The following R3HDM2 variants were observed in gnomAD, a reference collection of about 807,000 sequenced individuals.
R3HDM2 encodes R3H domain-containing protein 2.
R3HDM2 carries 38 observed loss-of-function variants against 124.5 expected under a neutral mutation model. The ratio of observed to expected loss-of-function variants is 0.31; its 90% CI spans 0.24 to 0.40. The LOEUF (loss-of-function observed/expected upper bound fraction) is 0.40, where lower values mean the gene tolerates loss of function less well. R3HDM2 is among the 10% of genes least tolerant of loss of function. The pLI, the probability that R3HDM2 is intolerant of heterozygous loss-of-function variation, is 1.00. For synonymous variants in R3HDM2, 391 were observed against 448.0 expected (o/e 0.87, Z 1.61); for missense variants, 869 against 1,236.9 (o/e 0.70, Z 4.46).
Position 57,258,888 on chromosome 12 carries a change from A to G in R3HDM2, c.2301+2T>C. 6.4e-7 allele frequency: 1 copy of G among 1,567,206 alleles called. No individual in the cohort carries two copies. The highest frequency in any genetic ancestry group is 8.6e-7 in the Non-Finnish European group (1 of 1,156,690). On this transcript the variant is annotated splice_donor_variant, in intron 20 of 23. Transcript: ENST00000402412. LOFTEE classifies it high-confidence loss of function. ...CAAGACAAGGCTGAGTGCTGCACTCACCTGGGGGCTGCTGTCAGGACTGTA... is the reference window on the plus strand; with the variant it reads ...CAAGACAAGGCTGAGTGCTGCACTCGCCTGGGGGCTGCTGTCAGGACTGTA...
intron 1 of R3HDM2, among the ~76,000 whole-genome samples, chr12:57,424,303 A>G (rs2139643832): frequency 6.6e-6 from 1 of 151,732 alleles, no homozygotes; most frequent in Middle Eastern, 3.4e-3. Flanking sequence ...GATTACAGGC[A>G]TGTGATACCA....
chr12:57,366,334 T>G (rs1304819721), intron 2 of R3HDM2, among the ~76,000 whole-genome samples: 1 of 152,202 alleles, frequency 6.6e-6, no homozygotes, highest in African/African-American at 2.4e-5. Context: ...TTTTTTTCTA[T>G]ATTACATTTT....
intron 2 of R3HDM2, among the ~76,000 whole-genome samples, chr12:57,367,074 G>C (rs1482950161): frequency 6.6e-6 from 1 of 152,180 alleles, no homozygotes; most frequent in Non-Finnish European, 1.5e-5. Context: ...GTCTTTGACA[G>C]CCTTTACACT....
In R3HDM2 at chr12:57,292,675, G is replaced by A. The variant is rs1259789774; in HGVS notation, c.811-8C>T. ...CTGCAATGGAACTCTGATCTAGATCGATGAGCAGAATTAAGCTAGTTAAGT... is the reference window on the plus strand; with the variant it reads ...CTGCAATGGAACTCTGATCTAGATCAATGAGCAGAATTAAGCTAGTTAAGT... On this transcript the variant is annotated splice_polypyrimidine_tract_variant and splice_region_variant and intron_variant, in intron 10 of 23. Coordinates refer to ENST00000402412, the MANE Select transcript of R3HDM2 (RefSeq NM_001394031.1). The A allele has an allele frequency of 3.3e-6, 5 of 1,535,826 alleles. No individual in the cohort carries two copies. Among genetic ancestry groups the A allele is most frequent in the South Asian group, 1.2e-5 (1 of 83,778 alleles).
chr12:57,265,608 G>A (rs2042150350), intron 19 of R3HDM2, among the ~76,000 whole-genome samples: 1 of 152,100 alleles, frequency 6.6e-6, no homozygotes, highest in Admixed American at 6.5e-5. Flanking sequence ...TTTCAGGGCT[G>A]AGGCAACCAA....
chr12:57,347,581 G>A (rs2060209683), intron 2 of R3HDM2, among the ~76,000 whole-genome samples: 1 of 152,128 alleles, frequency 6.6e-6, no homozygotes, highest in African/African-American at 2.4e-5. Context: ...AGTGTAAATT[G>A]TCTAAAAATG....
At chr12:57,410,404 T>C (rs948989959) in intron 1 of R3HDM2, among the ~76,000 whole-genome samples, 3 of 150,408 alleles carry the variant, frequency 2.0e-5, no homozygotes, top group African/African-American at 7.3e-5. Flanking sequence ...CAAAGTATCC[T>C]ACATAAACTC....
chr12:57,331,770 C>T (rs999049258), intron 2 of R3HDM2, among the ~76,000 whole-genome samples: 9 of 151,870 alleles, frequency 5.9e-5, no homozygotes, highest in African/African-American at 1.7e-4. Context: ...AAAAATTAGC[C>T]GGGCGTGGTG....
intron 2 of R3HDM2, among the ~76,000 whole-genome samples, chr12:57,366,721 G>A (rs1187293755): frequency 1.3e-5 from 2 of 151,422 alleles, no homozygotes; most frequent in Admixed American, 6.6e-5. Flanking sequence ...ACAGAGTCTC[G>A]CTCTGTTGCC....
At chr12:57,264,349 A>C (rs1452216958) in intron 19 of R3HDM2, among the ~76,000 whole-genome samples, 1 of 144,700 alleles carries the variant, frequency 6.9e-6, no homozygotes, top group Non-Finnish European at 1.5e-5. Context: ...TGAGGTCAGG[A>C]GTTCAAGAAC....
intron 2 of R3HDM2, among the ~76,000 whole-genome samples, chr12:57,364,081 A>T (rs1266914149): frequency 6.6e-6 from 1 of 151,042 alleles, no homozygotes; most frequent in Admixed American, 6.6e-5. Flanking sequence ...AGTTTGCTGT[A>T]ATTCTTACCT....
chr12:57,338,288 A>G (rs1251003191), intron 2 of R3HDM2, among the ~76,000 whole-genome samples: 20 of 152,224 alleles, frequency 1.3e-4, no homozygotes, highest in Admixed American at 1.3e-3. Flanking sequence ...GGGCAACAAG[A>G]GCAAAGCTCC....
intron 1 of R3HDM2, among the ~76,000 whole-genome samples, chr12:57,407,215 A>C (rs1360656741): frequency 6.6e-6 from 1 of 150,730 alleles, no homozygotes; most frequent in African/African-American, 2.4e-5. Context: ...TCACCACTGC[A>C]CTCCAGCCTG....
chr12:57,369,028 C>G (rs1178045606), intron 2 of R3HDM2, among the ~76,000 whole-genome samples: 1 of 152,096 alleles, frequency 6.6e-6, no homozygotes, highest in Non-Finnish European at 1.5e-5. Context: ...TCTCCTAATT[C>G]TAATATAGAA....
rs534479124 is a variant in R3HDM2, at chr12:57,290,119, C to G, written c.907-1079G>C. On this transcript the variant is annotated intron_variant, in intron 11 of 23. Transcript: ENST00000402412. ...AAAAAAAAGAGAAGAGCTAACTTTG[C>G]CTTTGTTATGGTTGTAGGTAGATAC... is the stretch of plus-strand genomic sequence containing the variant. Among the ~76,000 whole-genome samples, 43 of 152,294 alleles carry G rather than the reference C, an allele frequency of 2.8e-4. No individual in the cohort carries two copies. The South Asian group carries it at 7.5e-3, about 26-fold the overall frequency.
At chr12:57,396,334 G>A (rs1387676368) in intron 1 of R3HDM2, among the ~76,000 whole-genome samples, 1 of 151,964 alleles carries the variant, frequency 6.6e-6, no homozygotes, top group Non-Finnish European at 1.5e-5. Flanking sequence ...CTAGCTGCTG[G>A]GGAGGCTGAG....
rs997289893 is a variant in R3HDM2 at position 57,296,991 on chromosome 12, T to C, written c.560+337A>G. On this transcript the variant is annotated intron_variant, in intron 8 of 23. Transcript: ENST00000402412. This position sits in a 1 kb window ranked among gnomAD's most constrained non-coding sequence, Gnocchi z 4.5. Reference sequence around the variant, plus strand: ...AATCACTTGAACCCAGGAGGCAGAATTGCAGTGAGTCAAGACTGTACCACG... The same window carrying C: ...AATCACTTGAACCCAGGAGGCAGAACTGCAGTGAGTCAAGACTGTACCACG... 10 of 230,214 alleles carry C rather than the reference T, an allele frequency of 4.3e-5. No homozygotes were observed. Among genetic ancestry groups the C allele is most frequent in the Admixed American group, 1.0e-4 (2 of 19,238 alleles). 14.3% of individuals were successfully genotyped at this position (230,214 alleles called of 1,614,324 possible).
intron 1 of R3HDM2, among the ~76,000 whole-genome samples, chr12:57,410,009 A>G (rs1435895291): frequency 6.6e-6 from 1 of 152,212 alleles, no homozygotes; most frequent in Non-Finnish European, 1.5e-5. Context: ...ATCTAGGGTC[A>G]GAATAACCAC....
Position 57,296,883 on chromosome 12 carries a change from G to A in R3HDM2, c.561-332C>T. Reference sequence around the variant, plus strand: ...GTTCAAGACCAGCCTGGTCAACATGGTGAAACCCCGTCTCTACAAAAAATA... The same window carrying A: ...GTTCAAGACCAGCCTGGTCAACATGATGAAACCCCGTCTCTACAAAAAATA... On this transcript the variant is annotated intron_variant, in intron 8 of 23. Coordinates refer to ENST00000402412, the MANE Select transcript of R3HDM2 (RefSeq NM_001394031.1). This position sits in a 1 kb window ranked among gnomAD's most constrained non-coding sequence, Gnocchi z 4.5. The A allele has an allele frequency of 4.2e-6, 1 of 236,800 alleles. No individual in the cohort carries two copies. Among genetic ancestry groups the A allele is most frequent in the Non-Finnish European group, 8.3e-6 (1 of 121,122 alleles). 14.7% of individuals were successfully genotyped at this position (236,800 alleles called of 1,614,324 possible).
Sources: gnomAD v4.1 joint callset for allele counts (sites outside exome capture counted in the v4.1 genomes callset) on GRCh38, gnomAD v4.1.1 for gene constraint, Gnocchi (gnomAD v3.1) non-coding constraint, MANE v1.5 for transcripts, NCBI Gene and HGNC (gene_info 2026-07-23, HGNC 2026-07-21) for gene names.